Variants in RNF169 observed in about 807,000 individuals in gnomAD.
RNF169 encodes E3 ubiquitin-protein ligase RNF169.
In RNF169, 24 loss-of-function variants were observed where a neutral mutation model predicts 53.9. The ratio of observed to expected loss-of-function variants is 0.45; its 90% CI spans 0.32 to 0.63. The LOEUF is 0.63. Ranked by LOEUF, RNF169 falls within the 20% of genes least tolerant of loss-of-function variation. The probability of loss-of-function intolerance (pLI) is 0.04; values close to 1 mark genes in which losing one functional copy is unlikely to be tolerated. For synonymous variants in RNF169, 396 were observed against 363.5 expected (o/e 1.09, Z -1.02); for missense variants, 883 against 906.2 (o/e 0.97, Z 0.33).
chr11:74,786,196 C>T (rs1274271789), intron 1 of RNF169, among the ~76,000 whole-genome samples: 1 of 151,440 alleles, frequency 6.6e-6, no homozygotes, highest in Admixed American at 6.6e-5. Context: ...GTCTTGGCCT[C>T]CCAAAGTGCT....
intron 4 of RNF169, among the ~76,000 whole-genome samples, chr11:74,826,980 G>A (rs1408137797): frequency 1.3e-5 from 2 of 152,164 alleles, no homozygotes; most frequent in Non-Finnish European, 2.9e-5. Context: ...ACCATTCTGG[G>A]GTCTGGAGGA....
chr11:74,799,107 A>G (rs975110645), intron 2 of RNF169, among the ~76,000 whole-genome samples: 10 of 143,708 alleles, frequency 7.0e-5, no homozygotes, highest in African/African-American at 2.6e-4. Flanking sequence ...TTGCTACACT[A>G]TTGCTATTTT....
intron 1 of RNF169, among the ~76,000 whole-genome samples, chr11:74,774,345 C>CAA (rs35058879): frequency 1.3e-3 from 164 of 125,554 alleles, no homozygotes; most frequent in African/African-American, 3.8e-3. Flanking sequence ...GACCCTGTTT[C>CAA]AAAAAAAAAA....
intron 4 of RNF169, among the ~76,000 whole-genome samples, chr11:74,822,932 C>T (rs576036836): frequency 1.1e-4 from 17 of 152,078 alleles, no homozygotes; most frequent in South Asian, 2.1e-4. Context: ...AAAAGGACTC[C>T]GTACAAAAGA....
At chr11:74,814,075 C>T (rs1052028639) in intron 3 of RNF169, among the ~76,000 whole-genome samples, 5 of 151,964 alleles carry the variant, frequency 3.3e-5, no homozygotes, top group East Asian at 3.9e-4. Flanking sequence ...AATCCCAGCA[C>T]TTTGGGAGGC....
At chr11:74,817,774 G>C (rs750283275) in intron 4 of RNF169, 60 bp downstream of exon 4, 26 of 1,025,686 alleles carry the variant, frequency 2.5e-5, no homozygotes, top group Non-Finnish European at 3.7e-5. Context: ...GAGATAAAAG[G>C]GACTGGGGGA....
At chr11:74,794,603 A>G (rs995179969) in intron 2 of RNF169, among the ~76,000 whole-genome samples, 3 of 152,188 alleles carry the variant, frequency 2.0e-5, no homozygotes, top group Non-Finnish European at 2.9e-5. Context: ...TAGCTGAAAT[A>G]GGATGGAGAA....
At chr11:74,766,075 T>C (rs1338618448) in intron 1 of RNF169, among the ~76,000 whole-genome samples, 1 of 152,004 alleles carries the variant, frequency 6.6e-6, no homozygotes, top group African/African-American at 2.4e-5. Context: ...ACTATAGATA[T>C]AATGAAGATT....
intron 1 of RNF169, among the ~76,000 whole-genome samples, chr11:74,784,288 A>G (rs999659764): frequency 2.0e-5 from 3 of 152,222 alleles, no homozygotes; most frequent in African/African-American, 2.4e-5. Flanking sequence ...GATTGAAACT[A>G]TGATCTAAAG....
intron 1 of RNF169, among the ~76,000 whole-genome samples, chr11:74,751,660 T>C (rs1173476992): frequency 6.6e-6 from 1 of 152,260 alleles, no homozygotes; most frequent in Admixed American, 6.5e-5. Context: ...AGTCACTTAG[T>C]ATTCATTAAT....
At chr11:74,798,627 T>C (rs1344998359) in intron 2 of RNF169, among the ~76,000 whole-genome samples, 2 of 152,194 alleles carry the variant, frequency 1.3e-5, no homozygotes, top group African/African-American at 4.8e-5. Flanking sequence ...TGTTAAGTAC[T>C]TGATGTCTGT....
rs557803376 is a variant in RNF169, at chr11:74,831,307, C to A, written c.843-3369C>A. On this transcript the variant is annotated intron_variant, in intron 4 of 5. Transcript: ENST00000299563. Reference sequence around the variant, plus strand: ...CAAATTTTAGCAAAGTTGCAAGATACAAGCTCACCACACAAAAATCAGTTG... The same window carrying A: ...CAAATTTTAGCAAAGTTGCAAGATAAAAGCTCACCACACAAAAATCAGTTG... The A allele has an allele frequency of 5.9e-5, 9 of 152,280 alleles. No homozygotes were observed. The East Asian group carries it at 9.6e-4, about 16-fold the overall frequency. The allele number at this position is 152,280 out of a possible 1,614,324, so 9.4% of individuals were successfully genotyped here. A position where few individuals can be genotyped will look rare whatever the true frequency, so the allele number is the denominator to read the frequency against.
chr11:74,830,296 AAAAG>A (rs1207843077), intron 4 of RNF169, among the ~76,000 whole-genome samples: 1 of 152,158 alleles, frequency 6.6e-6, no homozygotes, highest in Non-Finnish European at 1.5e-5. Context: ...GGTCAAGAAA[AAAAG>A]AGAAGACTCA....
At position 74,836,660 on chromosome 11, in the gene RNF169, C is replaced by G. The variant is rs369087935; in HGVS notation, c.2057C>G (p.Thr686Ser). Reference sequence around the variant, plus strand: ...CGCATGTTCGACAATGAGAGGCGGACTGTGAGCCGGCGAAAAGGAAGTGTG... The same window carrying G: ...CGCATGTTCGACAATGAGAGGCGGAGTGTGAGCCGGCGAAAAGGAAGTGTG... ...LQRMFDNERR[T>S]VSRRKGSVDQ... The change falls in exon 6 of 6, where the codon ACT (threonine) becomes AGT (serine). Residue 686 changes from threonine (T) to serine (S), a missense_variant. By Grantham distance (58) the Thr-to-Ser change is moderately conservative. This residue lies in a region of RNF169 where 351 missense variants were observed against 337.3 expected (regional missense o/e 1.04). Transcript: ENST00000299563. 3 of 1,613,876 alleles carry G rather than the reference C, an allele frequency of 1.9e-6. No individual in the cohort carries two copies. Among genetic ancestry groups the G allele is most frequent in the Non-Finnish European group, 2.5e-6 (3 of 1,180,040 alleles).
In RNF169 at chr11:74,835,544, A is replaced by G; in HGVS notation, c.943-2A>G. ...AGGCATAATCTTTTTAATCTCTTTC[A>G]GGTCACAACTATGACTCCAGCCTCC... On this transcript the variant is annotated splice_acceptor_variant, in intron 5 of 5. Transcript: ENST00000299563. LOFTEE classifies it high-confidence loss of function. 6.2e-7 allele frequency: 1 copy of G among 1,609,134 alleles called. No individual in the cohort carries two copies. Among genetic ancestry groups the G allele is most frequent in the Non-Finnish European group, 8.5e-7 (1 of 1,176,202 alleles).
chr11:74,833,153 A>G (rs2036204959), intron 4 of RNF169, among the ~76,000 whole-genome samples: 1 of 152,212 alleles, frequency 6.6e-6, no homozygotes, highest in East Asian at 1.9e-4. Context: ...GGAATAACAC[A>G]GAAATACTGG....
At chr11:74,775,569 CAG>C (rs2035321680) in intron 1 of RNF169, among the ~76,000 whole-genome samples, 1 of 151,826 alleles carries the variant, frequency 6.6e-6, no homozygotes, top group South Asian at 2.1e-4. Context: ...CCATACTACT[CAG>C]AGTTCTTGGA....
chr11:74,749,588 GC>G (rs1369285644), intron 1 of RNF169, among the ~76,000 whole-genome samples: 2 of 152,224 alleles, frequency 1.3e-5, no homozygotes, highest in Non-Finnish European at 2.9e-5. Context: ...ATGCGGAGGG[GC>G]GGTGAGGGCA....
intron 4 of RNF169, among the ~76,000 whole-genome samples, chr11:74,818,902 C>G (rs1194784337): frequency 1.3e-5 from 2 of 152,116 alleles, no homozygotes; most frequent in African/African-American, 4.8e-5. Context: ...GGAGCTCTCT[C>G]TGTTGCCTAA....
Sources: gnomAD v4.1 joint callset for allele counts (sites outside exome capture counted in the v4.1 genomes callset) on GRCh38, gnomAD v4.1.1 for gene constraint, gnomAD v4.1.1 regional missense constraint, MANE v1.5 for transcripts, NCBI Gene and HGNC (gene_info 2026-07-23, HGNC 2026-07-21) for gene names.